LRRCC1: variants seen among roughly 807,000 people sequenced by gnomAD.
The protein encoded by LRRCC1 is leucine-rich repeat and coiled-coil domain-containing protein 1.
In LRRCC1, 115 loss-of-function variants were observed where a neutral mutation model predicts 126.0. That is an observed-to-expected ratio of 0.91 (90% CI 0.78 to 1.07). The LOEUF is 1.07. LRRCC1 is among the 50% of genes least tolerant of loss of function. The pLI is 0.00. For synonymous variants in LRRCC1, 400 were observed against 393.4 expected (o/e 1.02, Z -0.20); for missense variants, 1,172 against 1,175.7 (o/e 1.00, Z 0.05).
intron 8 of LRRCC1, among the ~76,000 whole-genome samples, chr8:85,126,066 A>ATATT (rs1809972050): frequency 6.6e-6 from 1 of 152,110 alleles, no homozygotes; most frequent in Non-Finnish European, 1.5e-5. Context: ...ACCAATCTTT[A>ATATT]TATTCCCTTG....
chr8:85,141,895 G>A (rs1811277946), intron 18 of LRRCC1, among the ~76,000 whole-genome samples: 1 of 152,100 alleles, frequency 6.6e-6, no homozygotes, highest in African/African-American at 2.4e-5. Context: ...GAGTATTAGG[G>A]TTCAAGACTA....
chr8:85,124,611 C>G (rs1809825666), intron 7 of LRRCC1, among the ~76,000 whole-genome samples, 181 bp from the exon 8 acceptor site: 1 of 152,090 alleles, frequency 6.6e-6, no homozygotes, highest in African/African-American at 2.4e-5. Flanking sequence ...TCTTAAGGCA[C>G]TCATTAATCA....
rs933612214 is a variant in LRRCC1 at position 85,117,995 on chromosome 8, C to T, written c.930+2411C>T. Among the ~76,000 whole-genome samples, 4 of 152,202 alleles carry T rather than the reference C, an allele frequency of 2.6e-5. 1 individual carries two copies. The South Asian group carries it at 8.3e-4, about 32-fold the overall frequency. Reference sequence around the variant, plus strand: ...TTATCCAAATTTCTGTGAAGGTTAACATTATCATGTTCCCTTATGGCCTCT... The same window carrying T: ...TTATCCAAATTTCTGTGAAGGTTAATATTATCATGTTCCCTTATGGCCTCT... On this transcript the variant is annotated intron_variant, in intron 6 of 18. Transcript: ENST00000360375.
Position 85,137,594 on chromosome 8 carries a change from C to T in LRRCC1, c.2460C>T (p.Asp820=), listed in dbSNP as rs373755430. The T allele has an allele frequency of 2.2e-4, 318 of 1,478,858 alleles. No homozygotes were observed. Among genetic ancestry groups the T allele is most frequent in the Non-Finnish European group, 2.6e-4 (290 of 1,118,302 alleles). 91.6% of individuals were successfully genotyped at this position (1,478,858 alleles called of 1,614,324 possible). The change falls in exon 15 of 19, where the codon GAC becomes GAT. Residue 820 remains aspartate (D), a synonymous_variant. Transcript: ENST00000360375. ...TAAGAATAAAGTGCAAAATCATAGACGACCAAACTGAAACTATTAGAAAAT... is the reference window on the plus strand; with the variant it reads ...TAAGAATAAAGTGCAAAATCATAGATGACCAAACTGAAACTATTAGAAAAT... ...DALRIKCKII[D]DQTETIRKLK...
intron 6 of LRRCC1, among the ~76,000 whole-genome samples, chr8:85,120,427 G>C (rs924455595): frequency 2.6e-5 from 4 of 152,112 alleles, no homozygotes; most frequent in African/African-American, 9.7e-5. Context: ...TTGAAGCTCT[G>C]TTATTAAGCA....
intron 6 of LRRCC1, 114 bp from the exon 7 acceptor site, chr8:85,123,299 T>G: frequency 1.4e-6 from 1 of 696,338 alleles, no homozygotes; most frequent in Non-Finnish European, 2.3e-6. Context: ...ATCAAACATT[T>G]CTAGTTTATA....
Position 85,137,545 on chromosome 8 carries a change from CA to C in LRRCC1, c.2414del (p.Asn805MetfsTer8). The C allele has an allele frequency of 6.4e-7, 1 of 1,561,648 alleles. No individual in the cohort carries two copies. The highest frequency in any genetic ancestry group is 1.2e-5 in the South Asian group (1 of 80,670). On this transcript the variant is annotated frameshift_variant, in exon 15 of 19. Transcript: ENST00000360375. LOFTEE classifies it high-confidence loss of function. ...AGAGAGAATGAATGTCTGCGAAAGA[CA>C]AATGAAAGTGATAGTGATGCATTAA... ...LSRENECLRK[T>X]NESDSDALRI...
chr8:85,107,488 C>G, intron 1 of LRRCC1, 89 bp downstream of exon 1: 2 of 1,136,632 alleles, frequency 1.8e-6, no homozygotes, highest in Non-Finnish European at 2.5e-6. Flanking sequence ...AGTGGAGGCG[C>G]GGCACTGCTT....
At chr8:85,119,531 A>G (rs1809368148) in intron 6 of LRRCC1, among the ~76,000 whole-genome samples, 1 of 146,342 alleles carries the variant, frequency 6.8e-6, no homozygotes, top group Non-Finnish European at 1.5e-5. Context: ...TTGCTCTGTC[A>G]CCCAAGCTGG....
At chr8:85,130,133 GTA>G in intron 11 of LRRCC1, 75 bp downstream of exon 11, 2 of 935,158 alleles carry the variant, frequency 2.1e-6, no homozygotes, top group Non-Finnish European at 1.5e-6. Flanking sequence ...CCCACTACCA[GTA>G]TTTTTTTTTT....
chr8:85,121,518 C>T (rs1404320639), intron 6 of LRRCC1, among the ~76,000 whole-genome samples: 4 of 151,922 alleles, frequency 2.6e-5, no homozygotes, highest in African/African-American at 7.3e-5. Flanking sequence ...CTCAGCTCAC[C>T]GCAACCTCCA....
At chr8:85,123,371 T>C in intron 6 of LRRCC1, 42 bp from the exon 7 acceptor site, 1 of 1,285,990 alleles carries the variant, frequency 7.8e-7, no homozygotes, top group Non-Finnish European at 1.1e-6. Context: ...ATCTTTTTTA[T>C]ACTGAACTTT....
intron 6 of LRRCC1, among the ~76,000 whole-genome samples, chr8:85,120,911 T>G (rs1809501056): frequency 6.6e-6 from 1 of 152,248 alleles, no homozygotes. Context: ...TCTATGAATA[T>G]TTATGTATAA....
At chr8:85,133,558 T>C (rs1587427909) in intron 12 of LRRCC1, among the ~76,000 whole-genome samples, 2 of 152,310 alleles carry the variant, frequency 1.3e-5, no homozygotes, top group African/African-American at 4.8e-5. Context: ...AACCTTCTAC[T>C]TTGACATTTC....
rs1419676941 is a variant in LRRCC1, at chr8:85,145,443, A to G, written c.3031A>G (p.Lys1011Glu). 2 of 1,580,970 alleles carry G rather than the reference A, an allele frequency of 1.3e-6. No homozygotes were observed. The highest frequency in any genetic ancestry group is 1.4e-5 in the African/African-American group (1 of 73,676). ...ACTTTTGGAAGAAACATGCAAGAAC[A>G]AAAAAACAATGGAAGCAAAAATTAA... ...RELLEETCKNKKTMEAKIKQL... is the reference protein window; with the variant it reads ...RELLEETCKNEKTMEAKIKQL... Residue 1011 changes from lysine to glutamate, a missense_variant, in exon 19 of 19, where the codon AAA (lysine) becomes GAA (glutamate). Transcript: ENST00000360375.
intron 9 of LRRCC1, among the ~76,000 whole-genome samples, chr8:85,128,203 T>C (rs556647964): frequency 1.3e-5 from 2 of 152,204 alleles, no homozygotes; most frequent in Non-Finnish European, 2.9e-5. Context: ...TATATGTGTA[T>C]GAATTTTTAC....
chr8:85,118,967 T>C (rs1007727484), intron 6 of LRRCC1, among the ~76,000 whole-genome samples: 6 of 152,158 alleles, frequency 3.9e-5, no homozygotes, highest in Non-Finnish European at 8.8e-5. Context: ...TGTTAGCCTC[T>C]AAAAGTTTTA....
intron 6 of LRRCC1, among the ~76,000 whole-genome samples, chr8:85,117,956 A>T (rs1809248646): frequency 6.6e-6 from 1 of 152,138 alleles, no homozygotes; most frequent in African/African-American, 2.4e-5. Context: ...CTGAATTGAG[A>T]ATACATATAT....
At chr8:85,129,044 T>C in intron 9 of LRRCC1, 131 bp from the exon 10 acceptor site, 1 of 701,544 alleles carries the variant, frequency 1.4e-6, no homozygotes, top group Non-Finnish European at 2.5e-6. Context: ...CGCTTTCATA[T>C]AGCATATCAA....
Sources: gnomAD v4.1 joint callset for allele counts (sites outside exome capture counted in the v4.1 genomes callset) on GRCh38, gnomAD v4.1.1 for gene constraint, MANE v1.5 for transcripts, NCBI Gene and HGNC (gene_info 2026-07-23, HGNC 2026-07-21) for gene names.